HERC1: variants seen among roughly 807,000 people sequenced by gnomAD.
HERC1 encodes probable E3 ubiquitin-protein ligase HERC1.
In HERC1, 160 loss-of-function variants were observed where a neutral mutation model predicts 554.3. That is an observed-to-expected ratio of 0.29 (90% CI 0.25 to 0.33). HERC1 has a LOEUF of 0.33. Ranked by LOEUF, HERC1 falls within the 10% of genes least tolerant of loss-of-function variation. HERC1 has a pLI of 1.00. For missense variants in HERC1, 4,919 were observed against 5,918.5 expected, an observed-to-expected ratio of 0.83 and a Z score of 5.54; for synonymous variants, 2,175 against 2,131.7, an observed-to-expected ratio of 1.02 and a Z score of -0.56.
intron 70 of HERC1, 60 bp downstream of exon 70, chr15:63,628,617 G>A (rs1435709254): frequency 2.6e-6 from 4 of 1,511,900 alleles, no homozygotes; most frequent in Middle Eastern, 2.2e-4. Flanking sequence ...CAAGCAGACA[G>A]TGCCATGGGG....
In HERC1 at chr15:63,615,764, T is replaced by C. The variant is rs753230662; in HGVS notation, c.14094+4A>G. 4.4e-6 allele frequency: 7 copies of C among 1,577,840 alleles called. No homozygotes were observed. The South Asian group carries it at 8.4e-5, about 19-fold the overall frequency. ...TGTGTACCTCCCGAGATGTTTCATC[T>C]CACCTGTCTGTCCATCTCATGAAGT... On this transcript the variant is annotated splice_donor_region_variant and intron_variant, in intron 76 of 77. Coordinates refer to ENST00000443617, the MANE Select transcript of HERC1 (RefSeq NM_003922.4).
chr15:63,683,034 G>T (rs1343166461), intron 34 of HERC1, among the ~76,000 whole-genome samples: 2 of 151,526 alleles, frequency 1.3e-5, no homozygotes, highest in African/African-American at 4.9e-5. Context: ...TATTCGGGAG[G>T]CTGAGGCGGG....
rs148303476 is a variant in HERC1, at chr15:63,727,201, G to A, written c.3346+446C>T. ...TGAGCCAGGAGAATCACTTGAACCC[G>A]GGAGGCAGAGGTTGCAATGAGGCAA... On this transcript the variant is annotated intron_variant, in intron 17 of 77. Coordinates refer to ENST00000443617, the MANE Select transcript of HERC1 (RefSeq NM_003922.4). This position sits in a 1 kb window ranked among gnomAD's most constrained non-coding sequence, Gnocchi z 4.3. 2.9e-3 allele frequency among the ~76,000 whole-genome samples: 447 copies of A among 152,180 alleles called. 10 individuals carry two copies. In the East Asian group the frequency reaches 0.075, roughly 26 times the overall value.
rs1264458388 is a variant in HERC1 at position 63,677,493 on chromosome 15, CT to C, written c.7070+351del. ...TGCAATGAACAGATTAGCTGGCTGG[CT>C]TTTTACTATGCCAGTGTGTAACAGA... On this transcript the variant is annotated intron_variant, in intron 37 of 77. Transcript: ENST00000443617. The surrounding 1 kb of genome is among the most constrained non-coding windows in gnomAD (Gnocchi z 4.4). Among the ~76,000 whole-genome samples the C allele has an allele frequency of 5.9e-5, 9 of 152,194 alleles. No individual in the cohort carries two copies. The highest frequency in any genetic ancestry group is 1.3e-4 in the Non-Finnish European group (9 of 68,034).
intron 60 of HERC1, among the ~76,000 whole-genome samples, chr15:63,641,105 T>C (rs527554008): frequency 6.6e-6 from 1 of 152,268 alleles, no homozygotes; most frequent in South Asian, 2.1e-4. Context: ...CCCGCATCCA[T>C]CCCTATCCCT....
chr15:63,644,633 T>C lies in HERC1; in HGVS notation c.11184+359A>G, dbSNP rs970214732. Among the ~76,000 whole-genome samples, 6 of 152,304 alleles carry C rather than the reference T, an allele frequency of 3.9e-5. No individual in the cohort carries two copies. In the East Asian group the frequency reaches 1.2e-3, roughly 29 times the overall value. ...CTTCTGTTTAATATAAATAAATCAT[T>C]CTTCATAGCAAGGATTCTGGCATCA... is the stretch of plus-strand genomic sequence containing the variant. On this transcript the variant is annotated intron_variant, in intron 57 of 77. Transcript: ENST00000443617.
Position 63,741,065 on chromosome 15 carries a change from G to C in HERC1, c.2520+5853C>G, listed in dbSNP as rs540064494. 2.0e-5 allele frequency among the ~76,000 whole-genome samples: 3 copies of C among 151,382 alleles called. No individual in the cohort carries two copies. The South Asian group carries it at 6.2e-4, about 31-fold the overall frequency. On this transcript the variant is annotated intron_variant, in intron 12 of 77. Transcript: ENST00000443617. ...TTTTTGTGAGACGGACTCTTGCCCT[G>C]TCGCCCAGGCTGGAGTGCAATGGTG...
intron 19 of HERC1, among the ~76,000 whole-genome samples, chr15:63,722,584 A>G (rs1314598851): frequency 6.6e-6 from 1 of 152,224 alleles, no homozygotes; most frequent in East Asian, 1.9e-4. Flanking sequence ...TAGTATGATG[A>G]AATCTCACGA....
In HERC1 at chr15:63,678,165, C is replaced by G; in HGVS notation, c.6750G>C (p.Glu2250Asp). The G allele has an allele frequency of 1.2e-6, 2 of 1,613,932 alleles. No homozygotes were observed. Among genetic ancestry groups the G allele is most frequent in the Non-Finnish European group, 1.7e-6 (2 of 1,179,852 alleles). Residue 2250 changes from glutamate to aspartate, a missense_variant, in exon 37 of 78, where the codon GAG becomes GAC. Around this residue, in one of 11 missense-constraint regions of HERC1, gnomAD observed 1,963 missense variants for 2,228.6 expected, o/e 0.88. Coordinates refer to ENST00000443617, the MANE Select transcript of HERC1 (RefSeq NM_003922.4). ...RLHKIKICIK[E>D]SGQKLKKSRS... Reference sequence around the variant, plus strand: ...GGCTTTTCTTTAGCTTCTGACCTGACTCTTTAATACATATCTTAATTTTGT... The same window carrying G: ...GGCTTTTCTTTAGCTTCTGACCTGAGTCTTTAATACATATCTTAATTTTGT...
At chr15:63,618,657 T>C (rs931746012) in intron 74 of HERC1, among the ~76,000 whole-genome samples, 2 of 152,250 alleles carry the variant, frequency 1.3e-5, no homozygotes, top group African/African-American at 2.4e-5. Context: ...CTTCCATTTA[T>C]TTCTATCCTG....
Position 63,747,064 on chromosome 15 carries a change from T to C in HERC1, c.2374A>G (p.Lys792Glu). 1 of 1,596,520 alleles carries C rather than the reference T, an allele frequency of 6.3e-7. No homozygotes were observed. The highest frequency in any genetic ancestry group is 8.5e-7 in the Non-Finnish European group (1 of 1,171,664). ...TTTGAAAGTAGCTTCAGGCACAGCT[T>C]GAGAAAACTGTGGTGTTCTCTGAAA... ...PSSREHHSFL[K>E]LCLKLLSNHL... Residue 792 changes from lysine to glutamate, a missense_variant, in exon 12 of 78, where the codon AAG (lysine) becomes GAG (glutamate). Lys to Glu is a moderately conservative substitution (Grantham distance 56). Coordinates refer to ENST00000443617, the MANE Select transcript of HERC1 (RefSeq NM_003922.4).
rs767261448 is a variant in HERC1 at position 63,775,616 on chromosome 15, G to A, written c.8C>T (p.Thr3Ile). 2 of 1,590,826 alleles carry A rather than the reference G, an allele frequency of 1.3e-6. No individual in the cohort carries two copies. Among genetic ancestry groups the A allele is most frequent in the Non-Finnish European group, 1.7e-6 (2 of 1,170,112 alleles). ...TTTCAGCTTCACTGGTGGAATCATA[G>A]TTGCCATGTTGATTTATCCTTCAGC... is the stretch of plus-strand genomic sequence containing the variant. MA[T>I]MIPPVKLKWL... The change falls in exon 2 of 78, where the codon ACT becomes ATT. Residue 3 changes from threonine to isoleucine, a missense_variant. This residue lies in a region of HERC1 where 110 missense variants were observed against 99.3 expected (regional missense o/e 1.11). Transcript: ENST00000443617. This position sits in a 1 kb window ranked among gnomAD's most constrained non-coding sequence, Gnocchi z 4.0.
intron 61 of HERC1, among the ~76,000 whole-genome samples, chr15:63,639,456 T>C (rs780031530): frequency 2.0e-5 from 3 of 152,188 alleles, no homozygotes. Flanking sequence ...ATACACTCTA[T>C]GATATTCCCA....
At chr15:63,655,672 A>G in intron 50 of HERC1, 70 bp downstream of exon 50, 1 of 1,082,340 alleles carries the variant, frequency 9.2e-7, no homozygotes, top group Admixed American at 2.6e-5. Context: ...ATATACTAAC[A>G]ATGTAAAAAC....
intron 54 of HERC1, among the ~76,000 whole-genome samples, chr15:63,649,337 G>T (rs1381679400): frequency 6.6e-6 from 1 of 151,712 alleles, no homozygotes; most frequent in Admixed American, 6.6e-5. Context: ...TGGTGACAGA[G>T]CGAGACTCCT....
chr15:63,613,470 C>T (rs1484654219), intron 76 of HERC1, among the ~76,000 whole-genome samples: 4 of 152,142 alleles, frequency 2.6e-5, no homozygotes, highest in African/African-American at 7.2e-5. Flanking sequence ...TACTTCTTTG[C>T]TCTTGGCCAA....
At chr15:63,783,417 A>C (rs2076345045) in intron 1 of HERC1, among the ~76,000 whole-genome samples, 1 of 152,218 alleles carries the variant, frequency 6.6e-6, no homozygotes, top group Non-Finnish European at 1.5e-5. Flanking sequence ...GCAAAAAAAA[A>C]AGTATTTTTT....
chr15:63,732,033 G>A (rs988189119), intron 14 of HERC1, among the ~76,000 whole-genome samples: 3 of 152,038 alleles, frequency 2.0e-5, no homozygotes, highest in South Asian at 2.1e-4. Context: ...ATGGGGTCTC[G>A]CTCTGTCACC....
rs754206130 is a variant in HERC1, at chr15:63,674,333, A to G, written c.7846+9T>C. ...CAAAAGCAAAAAAAAAAAAAATCAGATAACATACCTTGCTTAATTTTGCCC... is the reference window on the plus strand; with the variant it reads ...CAAAAGCAAAAAAAAAAAAAATCAGGTAACATACCTTGCTTAATTTTGCCC... On this transcript the variant is annotated intron_variant, in intron 38 of 77. Coordinates refer to ENST00000443617, the MANE Select transcript of HERC1 (RefSeq NM_003922.4). 6.4e-6 allele frequency: 10 copies of G among 1,568,362 alleles called. No homozygotes were observed. The highest frequency in any genetic ancestry group is 2.4e-5 in the South Asian group (2 of 83,872).
Sources: gnomAD v4.1 joint callset for allele counts (sites outside exome capture counted in the v4.1 genomes callset) on GRCh38, gnomAD v4.1.1 for gene constraint, gnomAD v4.1.1 regional missense constraint, Gnocchi (gnomAD v3.1) non-coding constraint, MANE v1.5 for transcripts, NCBI Gene and HGNC (gene_info 2026-07-23, HGNC 2026-07-21) for gene names.